Variants in SGPP1 observed in about 807,000 individuals in gnomAD.
The protein encoded by SGPP1 is sphingosine-1-phosphate phosphatase 1.
In SGPP1, 21 loss-of-function variants were observed where a neutral mutation model predicts 33.0. The ratio of observed to expected loss-of-function variants is 0.64; its 90% CI spans 0.45 to 0.92. The LOEUF is 0.92. Among genes scored for constraint, SGPP1 ranks in the 40% least tolerant of loss-of-function variants. The pLI is 0.00. For missense variants in SGPP1, 543 were observed against 589.4 expected, an observed-to-expected ratio of 0.92 and a Z score of 0.81; for synonymous variants, 239 against 241.2, an observed-to-expected ratio of 0.99 and a Z score of 0.08.
At position 63,720,806 on chromosome 14, in the gene SGPP1, T is replaced by C. The variant is rs866732258; in HGVS notation, c.684+6455A>G. Among the ~76,000 whole-genome samples, 43 of 152,180 alleles carry C rather than the reference T, an allele frequency of 2.8e-4. No individual in the cohort carries two copies. In the Middle Eastern group the frequency reaches 0.01, roughly 36 times the overall value. On this transcript the variant is annotated intron_variant, in intron 1 of 2. Transcript: ENST00000247225. ...CTATATAAATGTATGTCTGCAAAAG[T>C]AGAGACTACCTCTGGGAAGCTAAAC...
At chr14:63,699,056 G>C (rs1206522763) in intron 1 of SGPP1, among the ~76,000 whole-genome samples, 1 of 152,148 alleles carries the variant, frequency 6.6e-6, no homozygotes, top group African/African-American at 2.4e-5. Flanking sequence ...TCAGTTGTCT[G>C]GGGAGGAGGA....
chr14:63,707,622 G>A (rs1421561986), intron 1 of SGPP1, among the ~76,000 whole-genome samples: 2 of 149,364 alleles, frequency 1.3e-5, no homozygotes, highest in Non-Finnish European at 1.5e-5. Context: ...CGCAACCTCC[G>A]CCTCCCGGGT....
At chr14:63,702,315 G>C (rs112953140) in intron 1 of SGPP1, among the ~76,000 whole-genome samples, 9 of 152,244 alleles carry the variant, frequency 5.9e-5, no homozygotes, top group African/African-American at 2.2e-4. Context: ...GGGATGAGGT[G>C]ACTAAAGAAA....
intron 1 of SGPP1, among the ~76,000 whole-genome samples, chr14:63,701,144 G>T (rs113520182): frequency 0.028 from 4,298 of 152,034 alleles, 231 homozygotes; most frequent in African/African-American, 0.098. Context: ...ACATCCAGCT[G>T]ATTTTTTAAA....
chr14:63,688,469 T>C (rs1422021538), intron 2 of SGPP1, among the ~76,000 whole-genome samples: 2 of 152,072 alleles, frequency 1.3e-5, no homozygotes, highest in Admixed American at 6.6e-5. Context: ...TGATAGAAGA[T>C]GGTTTACTTG....
In SGPP1 at chr14:63,684,934, T is replaced by C. The variant is rs1433080951; in HGVS notation, c.*1171A>G. The C allele has an allele frequency of 3.9e-5, 6 of 152,376 alleles. No individual in the cohort carries two copies. Among genetic ancestry groups the C allele is most frequent in the Non-Finnish European group, 7.4e-5 (5 of 67,894 alleles). 9.4% of individuals were successfully genotyped at this position (152,376 alleles called of 1,614,324 possible). A position where few individuals can be genotyped will look rare whatever the true frequency, so the allele number is the denominator to read the frequency against. On this transcript the variant is annotated 3_prime_UTR_variant, in exon 3 of 3. Transcript: ENST00000247225. Reference sequence around the variant, plus strand: ...AATGGGTATTAAAAGTTAACGGTGCTAAATCCAATCCTTTCCAAATTATTT... The same window carrying C: ...AATGGGTATTAAAAGTTAACGGTGCCAAATCCAATCCTTTCCAAATTATTT...
At chr14:63,723,718 CAA>C (rs56362339) in intron 1 of SGPP1, among the ~76,000 whole-genome samples, 1 of 131,702 alleles carries the variant, frequency 7.6e-6, no homozygotes. Context: ...GATTTCGTCT[CAA>C]AAAAAAAAAA....
intron 1 of SGPP1, among the ~76,000 whole-genome samples, chr14:63,720,217 C>T (rs1370409077): frequency 6.7e-6 from 1 of 149,818 alleles, no homozygotes. Context: ...CATTTGAGCC[C>T]AGGAGATTGA....
At chr14:63,710,393 T>C (rs1885499365) in intron 1 of SGPP1, among the ~76,000 whole-genome samples, 1 of 152,240 alleles carries the variant, frequency 6.6e-6, no homozygotes, top group Admixed American at 6.5e-5. Flanking sequence ...GTTAAAAATA[T>C]GAGTTTATAG....
At chr14:63,693,115 T>A (rs879726868) in intron 2 of SGPP1, among the ~76,000 whole-genome samples, 4 of 152,094 alleles carry the variant, frequency 2.6e-5, no homozygotes, top group Non-Finnish European at 5.9e-5. Context: ...TTTTTTTTTA[T>A]AAAGACAGGG....
intron 1 of SGPP1, among the ~76,000 whole-genome samples, chr14:63,700,060 T>A (rs1885264468): frequency 6.6e-6 from 1 of 151,482 alleles, no homozygotes; most frequent in African/African-American, 2.4e-5. Context: ...CCTCCCAGGC[T>A]CAAGCAATCC....
intron 2 of SGPP1, among the ~76,000 whole-genome samples, chr14:63,688,239 C>T (rs1294538448): frequency 3.3e-5 from 5 of 149,642 alleles, no homozygotes; most frequent in African/African-American, 7.4e-5. Context: ...CTGCCTGAAC[C>T]CGGGAGGCCG....
Position 63,686,326 on chromosome 14 carries a change from T to C in SGPP1, c.1105A>G (p.Ile369Val). 1 of 1,614,008 alleles carries C rather than the reference T, an allele frequency of 6.2e-7. No individual in the cohort carries two copies. Among genetic ancestry groups the C allele is most frequent in the Non-Finnish European group, 8.5e-7 (1 of 1,179,932 alleles). Residue 369 changes from isoleucine to valine, a missense_variant, in exon 3 of 3, where the codon ATC (isoleucine) becomes GTC (valine). Physicochemically the swap from Ile to Val is conservative, Grantham distance 29 (BLOSUM62 3). Coordinates refer to ENST00000247225, the MANE Select transcript of SGPP1 (RefSeq NM_030791.4). ...AGTACAAATACCATCCCTATGAGGA[T>C]CCGCAATATGGCTTTTCCAAACAGA... ...VTLFGKAILR[I>V]LIGMVFVLII...
chr14:63,688,272 C>T (rs1885023092), intron 2 of SGPP1, among the ~76,000 whole-genome samples: 3 of 138,776 alleles, frequency 2.2e-5, no homozygotes, highest in Admixed American at 7.7e-5. Context: ...ACCGAGATGG[C>T]GCCATTGCAC....
chr14:63,718,497 T>C (rs1233773536), intron 1 of SGPP1, among the ~76,000 whole-genome samples: 1 of 152,100 alleles, frequency 6.6e-6, no homozygotes, highest in Non-Finnish European at 1.5e-5. Context: ...GGACATTCTA[T>C]ATCATACATT....
chr14:63,717,140 A>G (rs933700496), intron 1 of SGPP1, among the ~76,000 whole-genome samples: 3 of 152,130 alleles, frequency 2.0e-5, no homozygotes, highest in Non-Finnish European at 4.4e-5. Flanking sequence ...ATCCTACTTG[A>G]TAAAATTACC....
At chr14:63,698,778 C>T (rs749718125) in intron 1 of SGPP1, 120 bp from the exon 2 acceptor site, 4 of 484,428 alleles carry the variant, frequency 8.3e-6, no homozygotes, top group Non-Finnish European at 1.1e-5. Context: ...TTTGTTTTTA[C>T]TCCCCATTGT....
At chr14:63,697,898 G>T (rs1346151018) in intron 2 of SGPP1, among the ~76,000 whole-genome samples, 1 of 152,162 alleles carries the variant, frequency 6.6e-6, no homozygotes, top group East Asian at 1.9e-4. Flanking sequence ...AATGCTAGTG[G>T]AGCAGTGTCA....
intron 1 of SGPP1, among the ~76,000 whole-genome samples, chr14:63,701,805 TG>T (rs1885304610): frequency 6.6e-6 from 1 of 151,934 alleles, no homozygotes; most frequent in African/African-American, 2.4e-5. Flanking sequence ...GTTAGAAGGC[TG>T]TTGGTATAAT....
Sources: gnomAD v4.1 joint callset for allele counts (sites outside exome capture counted in the v4.1 genomes callset) on GRCh38, gnomAD v4.1.1 for gene constraint, MANE v1.5 for transcripts, NCBI Gene and HGNC (gene_info 2026-07-23, HGNC 2026-07-21) for gene names.